Variants in PIWIL4 observed in about 807,000 individuals in gnomAD.
PIWIL4 encodes the protein piwi-like protein 4.
PIWIL4 carries 50 observed loss-of-function variants against 100.9 expected under a neutral mutation model. The ratio of observed to expected loss-of-function variants is 0.50; its 90% confidence interval spans 0.39 to 0.63. PIWIL4 has a LOEUF of 0.63. Among genes scored for constraint, PIWIL4 ranks in the 20% least tolerant of loss-of-function variants. The pLI, the probability that PIWIL4 is intolerant of heterozygous loss-of-function variation, is 0.00. For synonymous variants in PIWIL4, 342 were observed against 367.5 expected (o/e 0.93, Z 0.79); for missense variants, 887 against 1,043.3 (o/e 0.85, Z 2.06).
At chr11:94,576,472 T>C (rs1262827425) in intron 3 of PIWIL4, among the ~76,000 whole-genome samples, 3 of 152,188 alleles carry the variant, frequency 2.0e-5, no homozygotes, top group Non-Finnish European at 4.4e-5. Flanking sequence ...AACTGGATGA[T>C]TCTCTGTAAG....
At chr11:94,606,833 C>CAA (rs34989614) in intron 13 of PIWIL4, among the ~76,000 whole-genome samples, 7,093 of 102,728 alleles carry the variant, frequency 0.069, 197 homozygotes, top group Middle Eastern at 0.14. Context: ...GACTCTGTCT[C>CAA]AAAAAAAAAA....
rs1328675910 is a variant in PIWIL4 at position 94,593,598 on chromosome 11, G to A, written c.1107G>A (p.Glu369=). The part of the protein sequence containing the change: ...LLKKKRNDNS[E]AQLAHLIPEL... ...AGAAGAAGAGAAATGACAACAGTGA[G>A]GCTCAGCTCGCCCACCTGATACCTG... The change falls in exon 9 of 20, where the codon GAG becomes GAA. Residue 369 remains glutamate, a synonymous_variant. Coordinates refer to ENST00000299001, the MANE Select transcript of PIWIL4 (RefSeq NM_152431.3). The A allele has an allele frequency of 6.2e-7, 1 of 1,613,934 alleles. No homozygotes were observed. The highest frequency in any genetic ancestry group is 1.3e-5 in the African/African-American group (1 of 74,920).
At chr11:94,606,500 G>C (rs561335888) in intron 13 of PIWIL4, among the ~76,000 whole-genome samples, 2 of 152,288 alleles carry the variant, frequency 1.3e-5, no homozygotes, top group East Asian at 1.9e-4. Flanking sequence ...AGAAGGAGGC[G>C]GAGGTAGGCC....
intron 13 of PIWIL4, among the ~76,000 whole-genome samples, chr11:94,605,806 T>A (rs1044356564): frequency 1.3e-5 from 2 of 152,240 alleles, no homozygotes; most frequent in African/African-American, 4.8e-5. Context: ...TCCATTACTC[T>A]TATTATTTAT....
intron 15 of PIWIL4, 58 bp from the exon 16 acceptor site, chr11:94,616,435 T>C (rs1948847776): frequency 2.2e-6 from 3 of 1,349,424 alleles, no homozygotes; most frequent in East Asian, 2.5e-5. Context: ...TATTAATGAA[T>C]ATTTATGGTA....
chr11:94,620,785 T>C, intron 19 of PIWIL4, 91 bp from the exon 20 acceptor site: 1 of 905,852 alleles, frequency 1.1e-6, no homozygotes, highest in East Asian at 2.5e-5. Context: ...TTCTATTATC[T>C]GTGTAACCAG....
chr11:94,598,838 G>A (rs1408093851), intron 11 of PIWIL4, among the ~76,000 whole-genome samples: 1 of 151,184 alleles, frequency 6.6e-6, no homozygotes. Flanking sequence ...CTCCCAAGAA[G>A]CTGGGACTAT....
At chr11:94,606,966 G>T (rs986475296) in intron 13 of PIWIL4, among the ~76,000 whole-genome samples, 5 of 151,990 alleles carry the variant, frequency 3.3e-5, no homozygotes, top group Admixed American at 1.3e-4. Flanking sequence ...TGTACCTAAT[G>T]GGAAAAGCAC....
intron 8 of PIWIL4, among the ~76,000 whole-genome samples, chr11:94,592,388 A>G (rs1054216957): frequency 1.3e-5 from 2 of 152,212 alleles, no homozygotes; most frequent in Admixed American, 6.5e-5. Flanking sequence ...TTGATGCAGA[A>G]AGGCAGGGAC....
In PIWIL4 at chr11:94,596,896, C is replaced by T. The variant is rs148409374; in HGVS notation, c.1269-908C>T. On this transcript the variant is annotated intron_variant, in intron 10 of 19. Coordinates refer to ENST00000299001, the MANE Select transcript of PIWIL4 (RefSeq NM_152431.3). ...GAAATAGTGAGCTATTGCAGAGAGA[C>T]AGTGGTGAAGAGGTTTGAGCTTCCC... Among the ~76,000 whole-genome samples the T allele has an allele frequency of 2.7e-3, 413 of 152,236 alleles. 1 individual carries two copies. The highest frequency in any genetic ancestry group is 9.5e-3 in the African/African-American group (394 of 41,530).
At chr11:94,569,439 C>T (rs558833213) in intron 2 of PIWIL4, among the ~76,000 whole-genome samples, 10 of 151,874 alleles carry the variant, frequency 6.6e-5, no homozygotes, top group East Asian at 1.9e-4. Flanking sequence ...AGTGCAATGG[C>T]GCAATCTCAG....
intron 15 of PIWIL4, among the ~76,000 whole-genome samples, chr11:94,611,281 C>T (rs1948784998): frequency 6.6e-6 from 1 of 152,162 alleles, no homozygotes; most frequent in African/African-American, 2.4e-5. Flanking sequence ...ATTTTCTCAT[C>T]ATTTGTGAAA....
intron 1 of PIWIL4, 60 bp from the exon 2 acceptor site, chr11:94,568,670 A>G (rs1948108039): frequency 1.5e-6 from 2 of 1,316,884 alleles, no homozygotes; most frequent in South Asian, 2.4e-5. Context: ...TCTTAGGATA[A>G]TCTTTTGGTT....
rs761910583 is a variant in PIWIL4 at position 94,604,011 on chromosome 11, A to G, written c.1593A>G (p.Ala531=). 6.2e-7 allele frequency: 1 copy of G among 1,607,400 alleles called. No homozygotes were observed. The highest frequency in any genetic ancestry group is 1.7e-5 in the Admixed American group (1 of 59,620). The part of the protein sequence containing the change: ...KIIKVQENPA[A]FVRAIQQYVD... ...TAAAAGTACAAGAAAATCCAGCTGC[A>G]TTTGTTAGAGCTATACAGCAATATG... is the stretch of plus-strand genomic sequence containing the variant. The change falls in exon 13 of 20, where the codon GCA becomes GCG. Residue 531 remains alanine, a synonymous_variant. Coordinates refer to ENST00000299001, the MANE Select transcript of PIWIL4 (RefSeq NM_152431.3).
intron 5 of PIWIL4, among the ~76,000 whole-genome samples, chr11:94,584,024 C>A (rs887558692): frequency 6.6e-6 from 1 of 152,182 alleles, no homozygotes; most frequent in African/African-American, 2.4e-5. Context: ...TTCTTTCCCC[C>A]ACACCTACAT....
intron 13 of PIWIL4, among the ~76,000 whole-genome samples, chr11:94,604,998 C>T (rs908803029): frequency 6.6e-6 from 1 of 152,190 alleles, no homozygotes; most frequent in African/African-American, 2.4e-5. Context: ...ATACCCTTCA[C>T]CCAGAATCCC....
chr11:94,619,772 G>A lies in PIWIL4; in HGVS notation c.2181G>A (p.Ser727=), dbSNP rs753536875. ...ESSSNTSSRL[S]VIVVRKKCMP... is the part of the protein sequence containing the mutation. Reference sequence around the variant, plus strand: ...CTCTAATTTTTAGCTCAAGACTGTCGGTGATTGTGGTCAGGAAGAAGTGCA... The same window carrying A: ...CTCTAATTTTTAGCTCAAGACTGTCAGTGATTGTGGTCAGGAAGAAGTGCA... Residue 727 remains serine (S), a synonymous_variant, in exon 18 of 20, where the codon TCG becomes TCA. Transcript: ENST00000299001. The A allele has an allele frequency of 1.1e-4, 180 of 1,613,652 alleles. No individual in the cohort carries two copies. Among genetic ancestry groups the A allele is most frequent in the Middle Eastern group, 1.6e-4 (1 of 6,084 alleles).
intron 19 of PIWIL4, 124 bp downstream of exon 19, chr11:94,620,268 T>C: frequency 1.0e-6 from 1 of 995,012 alleles, no homozygotes; most frequent in Non-Finnish European, 1.4e-6. Flanking sequence ...AAAGAAGGAA[T>C]GAATGAATGA....
Position 94,589,210 on chromosome 11 carries a change from C to T in PIWIL4, c.1004C>T (p.Thr335Ile). 6.2e-7 allele frequency: 1 copy of T among 1,606,962 alleles called. No homozygotes were observed. Residue 335 changes from threonine (T) to isoleucine (I), a missense_variant, in exon 8 of 20, where the codon ACC becomes ATC. Transcript: ENST00000299001. ...TFQKRDGTEI[T>I]YVDYYKQQYD... ...CAGAAGCGGGATGGCACCGAGATCACCTATGTGGATTACTACAAGCAGGTA... is the reference window on the plus strand; with the variant it reads ...CAGAAGCGGGATGGCACCGAGATCATCTATGTGGATTACTACAAGCAGGTA...
Sources: gnomAD v4.1 joint callset for allele counts (sites outside exome capture counted in the v4.1 genomes callset) on GRCh38, gnomAD v4.1.1 for gene constraint, MANE v1.5 for transcripts, NCBI Gene and HGNC (gene_info 2026-07-23, HGNC 2026-07-21) for gene names.